Variants in ROCK2 observed in about 807,000 individuals in gnomAD.
ROCK2 encodes Rho associated coiled-coil containing protein kinase 2.
ROCK2 carries 61 observed loss-of-function variants against 195.1 expected under a neutral mutation model. The observed-to-expected ratio is 0.31, with a 90% CI of 0.25 to 0.39. The LOEUF (loss-of-function observed/expected upper bound fraction) is 0.39. Ranked by LOEUF, ROCK2 falls within the 10% of genes least tolerant of loss-of-function variation. ROCK2 has a pLI of 1.00. For synonymous variants in ROCK2, 504 were observed against 545.5 expected (o/e 0.92, Z 1.06); for missense variants, 1,109 against 1,637.4 (o/e 0.68, Z 5.57).
chr2:11,282,147 T>C (rs1159743558), intron 3 of ROCK2, among the ~76,000 whole-genome samples: 1 of 152,068 alleles, frequency 6.6e-6, no homozygotes, highest in Non-Finnish European at 1.5e-5. Flanking sequence ...GCCCAGGAAT[T>C]TGAGACCAGC....
chr2:11,205,567 G>C (rs926184605), intron 20 of ROCK2, among the ~76,000 whole-genome samples: 1 of 150,408 alleles, frequency 6.6e-6, no homozygotes, highest in Non-Finnish European at 1.5e-5. Context: ...AGCCAACATA[G>C]CACTTCATAT....
chr2:11,194,728 A>G (rs1165829234), intron 28 of ROCK2, among the ~76,000 whole-genome samples: 1 of 152,118 alleles, frequency 6.6e-6, no homozygotes, highest in Non-Finnish European at 1.5e-5. Context: ...AAAGTATCAA[A>G]ATCAACAATT....
rs183857474 is a variant in ROCK2, at chr2:11,289,445, T to C, written c.142-1709A>G. Among the ~76,000 whole-genome samples, 6 of 152,346 alleles carry C rather than the reference T, an allele frequency of 3.9e-5. No homozygotes were observed. The East Asian group carries it at 5.8e-4, about 15-fold the overall frequency. On this transcript the variant is annotated intron_variant, in intron 1 of 32. Transcript: ENST00000315872. ...TATATTTTAGATGTATCTAGACTTA[T>C]ACTCTGTATTACAATTTCAAATCAA...
At position 11,181,574 on chromosome 2, in the gene ROCK2, T is replaced by A. The variant is rs1662993314; in HGVS notation, c.*1863A>T. 6.6e-6 allele frequency: 1 copy of A among 151,488 alleles called. No individual in the cohort carries two copies. Among genetic ancestry groups the A allele is most frequent in the Non-Finnish European group, 1.5e-5 (1 of 67,930 alleles). 9.4% of individuals were successfully genotyped at this position (151,488 alleles called of 1,614,324 possible). A position where few individuals can be genotyped will look rare whatever the true frequency, so the allele number is the denominator to read the frequency against. On this transcript the variant is annotated 3_prime_UTR_variant, in exon 33 of 33. Coordinates refer to ENST00000315872, the MANE Select transcript of ROCK2 (RefSeq NM_004850.5). Reference sequence around the variant, plus strand: ...ATCTAACTTTTTAAATATCTCTAACTGACATCAGAGGGAATCAATGAAAAA... The same window carrying A: ...ATCTAACTTTTTAAATATCTCTAACAGACATCAGAGGGAATCAATGAAAAA...
At chr2:11,330,750 A>G (rs1223064974) in intron 1 of ROCK2, among the ~76,000 whole-genome samples, 19 of 37,240 alleles carry the variant, frequency 5.1e-4, no homozygotes, top group Non-Finnish European at 7.0e-4. Flanking sequence ...GGGAGGAGGG[A>G]GGAGGAGGAG....
Position 11,317,627 on chromosome 2 carries a change from T to TAA in ROCK2, c.141+26367_141+26368dup, listed in dbSNP as rs60288235. ...ATATATATATATTTTTTTTTTTTTT[T>TAA]AATTATACTTTAAGTTCTAGGGTAC... On this transcript the variant is annotated intron_variant, in intron 1 of 32. Coordinates refer to ENST00000315872, the MANE Select transcript of ROCK2 (RefSeq NM_004850.5). Among the ~76,000 whole-genome samples the TAA allele has an allele frequency of 9.5e-5, 3 of 31,444 alleles. 1 individual carries two copies. Among genetic ancestry groups the TAA allele is most frequent in the Non-Finnish European group, 7.1e-5 (1 of 14,052 alleles). The allele number at this position is 31,444 out of a possible 152,430, so 20.6% of individuals were successfully genotyped here.
chr2:11,245,645 T>C (rs897960883), intron 4 of ROCK2, among the ~76,000 whole-genome samples: 4 of 152,182 alleles, frequency 2.6e-5, no homozygotes, highest in African/African-American at 7.2e-5. Flanking sequence ...GCACAGTTAA[T>C]TACACATCAA....
chr2:11,191,227 A>G (rs963570326), intron 32 of ROCK2, among the ~76,000 whole-genome samples: 2 of 152,210 alleles, frequency 1.3e-5, no homozygotes, highest in Admixed American at 1.3e-4. Flanking sequence ...ATGGATAGCA[A>G]TGTTTATAAA....
In ROCK2 at chr2:11,241,975, T is replaced by C. The variant is rs533597340; in HGVS notation, c.463-6013A>G. ...AAATGGGTTTACTGCCCTTGTAAAA[T>C]AGGCCCAAGGGAGCTTATTCACCCC... On this transcript the variant is annotated intron_variant, in intron 4 of 32. Transcript: ENST00000315872. Among the ~76,000 whole-genome samples, 34 of 152,262 alleles carry C rather than the reference T, an allele frequency of 2.2e-4. No homozygotes were observed. The South Asian group carries it at 5.2e-3, about 23-fold the overall frequency.
At chr2:11,266,198 C>A (rs1666409207) in intron 3 of ROCK2, among the ~76,000 whole-genome samples, 1 of 152,162 alleles carries the variant, frequency 6.6e-6, no homozygotes, top group Non-Finnish European at 1.5e-5. Flanking sequence ...TCCTGAGGGA[C>A]CTGCCTGAGG....
rs916217064 is a variant in ROCK2 at position 11,291,506 on chromosome 2, G to A, written c.142-3770C>T. Among the ~76,000 whole-genome samples the A allele has an allele frequency of 7.9e-5, 12 of 152,100 alleles. No individual in the cohort carries two copies. The East Asian group carries it at 9.6e-4, about 12-fold the overall frequency. ...CGGAAGTTGCAGCGAGCGGAGGATCGCGCCACTGCACTCCAGCCTGAGCGA... is the reference window on the plus strand; with the variant it reads ...CGGAAGTTGCAGCGAGCGGAGGATCACGCCACTGCACTCCAGCCTGAGCGA... On this transcript the variant is annotated intron_variant, in intron 1 of 32. Coordinates refer to ENST00000315872, the MANE Select transcript of ROCK2 (RefSeq NM_004850.5).
intron 1 of ROCK2, among the ~76,000 whole-genome samples, chr2:11,339,199 C>A (rs1031213845): frequency 1.1e-4 from 17 of 152,062 alleles, no homozygotes; most frequent in African/African-American, 3.9e-4. Flanking sequence ...ATACTAATAT[C>A]TCCAATTTAC....
chr2:11,344,550 G>C lies in ROCK2; in HGVS notation c.-414C>G. The stretch of plus-strand genomic sequence containing the variant: ...CCAGGCCTGGGCCACTACGGCCGCC[G>C]CCGGCCCGCTGCCATGGTCGCCGCC... On this transcript the variant is annotated 5_prime_UTR_variant, in exon 1 of 33. Coordinates refer to ENST00000315872, the MANE Select transcript of ROCK2 (RefSeq NM_004850.5). The surrounding 1 kb of genome is among the most constrained non-coding windows in gnomAD (Gnocchi z 5.4). The C allele has an allele frequency of 6.3e-6, 6 of 955,794 alleles. No homozygotes were observed. Among genetic ancestry groups the C allele is most frequent in the Non-Finnish European group, 7.5e-6 (6 of 804,604 alleles). 59.2% of individuals were successfully genotyped at this position (955,794 alleles called of 1,614,324 possible).
At chr2:11,187,511 C>T (rs972909875) in intron 32 of ROCK2, among the ~76,000 whole-genome samples, 4 of 152,188 alleles carry the variant, frequency 2.6e-5, no homozygotes, top group African/African-American at 7.2e-5. Context: ...AGGGGGACTA[C>T]TGTAATCAGG....
chr2:11,200,878 G>T, intron 23 of ROCK2, 79 bp downstream of exon 23: 1 of 1,231,170 alleles, frequency 8.1e-7, no homozygotes, highest in Non-Finnish European at 1.1e-6. Flanking sequence ...TTAGATCTGT[G>T]ATACTTAGTA....
intron 3 of ROCK2, among the ~76,000 whole-genome samples, chr2:11,282,911 TAAAA>T (rs148159936): frequency 2.0e-5 from 3 of 150,200 alleles, no homozygotes; most frequent in African/African-American, 7.3e-5. Context: ...AACTAAACAA[TAAAA>T]AAAAATAAAC....
chr2:11,283,731 T>G (rs1276395949), intron 3 of ROCK2, among the ~76,000 whole-genome samples: 3 of 152,238 alleles, frequency 2.0e-5, no homozygotes, highest in Non-Finnish European at 2.9e-5. Flanking sequence ...AAACACTTGT[T>G]TTTTGTCAGT....
At chr2:11,286,291 A>G (rs1667187685) in intron 3 of ROCK2, among the ~76,000 whole-genome samples, 1 of 130,512 alleles carries the variant, frequency 7.7e-6, no homozygotes, top group African/African-American at 2.8e-5. Context: ...TTCTGGTGGA[A>G]TAGTAACTGC....
At chr2:11,289,442 T>C (rs1667295402) in intron 1 of ROCK2, among the ~76,000 whole-genome samples, 1 of 152,222 alleles carries the variant, frequency 6.6e-6, no homozygotes, top group African/African-American at 2.4e-5. Flanking sequence ...GTATCTAGAC[T>C]TATACTCTGT....
Sources: allele counts gnomAD v4.1 joint callset (sites outside exome capture counted in the v4.1 genomes callset), GRCh38; gene constraint gnomAD v4.1.1; non-coding constraint Gnocchi (gnomAD v3.1); transcripts MANE v1.5; gene names NCBI Gene and HGNC (gene_info 2026-07-23, HGNC 2026-07-21).